Variants in DNAH17 observed in about 807,000 individuals in gnomAD.
DNAH17 encodes dynein axonemal heavy chain 17.
Under a neutral mutation model 485.6 loss-of-function variants are expected in DNAH17, and 376 were observed. That is an observed-to-expected ratio of 0.77 (90% CI 0.71 to 0.84). The LOEUF is 0.84. Among genes scored for constraint, DNAH17 ranks in the 40% least tolerant of loss-of-function variants. The pLI, the probability that DNAH17 is intolerant of heterozygous loss-of-function variation, is 0.00. For synonymous variants in DNAH17, 3,031 were observed against 2,405.9 expected (o/e 1.26, Z -7.60); for missense variants, 6,370 against 5,839.3 (o/e 1.09, Z -2.96).
At chr17:78,463,327 G>A (rs1389509288) in intron 56 of DNAH17, among the ~76,000 whole-genome samples, 1 of 152,216 alleles carries the variant, frequency 6.6e-6, no homozygotes, top group Non-Finnish European at 1.5e-5. Context: ...CTGACACACA[G>A]ACGCATACAT....
chr17:78,539,915 A>G (rs1396505463), intron 17 of DNAH17, 35 bp from the exon 18 acceptor site: 1 of 1,531,154 alleles, frequency 6.5e-7, no homozygotes, highest in Non-Finnish European at 8.8e-7. Context: ...GCCTCACTTC[A>G]CTGGCTGTGC....
chr17:78,575,959 G>A (rs148644243), intron 1 of DNAH17, among the ~76,000 whole-genome samples: 94 of 152,364 alleles, frequency 6.2e-4, no homozygotes, highest in African/African-American at 2.2e-3. Context: ...GGCGAGTTCT[G>A]CAAGGGCAGG....
chr17:78,459,917 G>A lies in DNAH17; in HGVS notation c.9520C>T (p.Pro3174Ser). 2 of 1,614,020 alleles carry A rather than the reference G, an allele frequency of 1.2e-6. No individual in the cohort carries two copies. The highest frequency in any genetic ancestry group is 1.3e-5 in the African/African-American group (1 of 75,050). Reference sequence around the variant, plus strand: ...TTGTCCTTGGGGATCTTGCCCCCAGGTGCGGTCAGAATCATGACGGCGGCG... The same window carrying A: ...TTGTCCTTGGGGATCTTGCCCCCAGATGCGGTCAGAATCATGACGGCGGCG... ...VTAAVMILTAPGGKIPKDKSW... is the reference protein window; with the variant it reads ...VTAAVMILTASGGKIPKDKSW... Residue 3174 changes from proline (P) to serine (S), a missense_variant, in exon 60 of 81, where the codon CCT (proline) becomes TCT (serine). Physicochemically the swap from Pro to Ser is moderately conservative, Grantham distance 74. Coordinates refer to ENST00000389840, the MANE Select transcript of DNAH17 (RefSeq NM_173628.4).
Position 78,480,806 on chromosome 17 carries a change from T to A in DNAH17, c.7650-20A>T. 6.3e-7 allele frequency: 1 copy of A among 1,585,692 alleles called. No homozygotes were observed. Among genetic ancestry groups the A allele is most frequent in the Non-Finnish European group, 8.6e-7 (1 of 1,158,424 alleles). ...TCATACCTGAGGGGGGAAACCAGCA[T>A]TCATGTTGTGCCCCTGGCCTGGAGG... On this transcript the variant is annotated intron_variant, in intron 48 of 80. Transcript: ENST00000389840.
chr17:78,567,348 C>T (rs564917097), intron 9 of DNAH17, among the ~76,000 whole-genome samples, 182 bp from the exon 10 acceptor site: 7 of 152,174 alleles, frequency 4.6e-5, no homozygotes, highest in Middle Eastern at 3.4e-3. Context: ...AATATTCCAT[C>T]CCCTGCAGAA....
intron 38 of DNAH17, 94 bp from the exon 39 acceptor site, chr17:78,495,191 A>G: frequency 7.0e-7 from 1 of 1,425,014 alleles, no homozygotes; most frequent in Non-Finnish European, 9.3e-7. Context: ...GCACACCTCG[A>G]CTGCCAGGTA....
chr17:78,492,854 G>A (rs1235873747), intron 41 of DNAH17, 89 bp from the exon 42 acceptor site: 10 of 431,172 alleles, frequency 2.3e-5, no homozygotes, highest in African/African-American at 2.0e-4. Flanking sequence ...GGGCCTGGAT[G>A]GTTTTTTTTT....
At chr17:78,484,580 C>T (rs561007937) in intron 48 of DNAH17, among the ~76,000 whole-genome samples, 3 of 152,220 alleles carry the variant, frequency 2.0e-5, no homozygotes, top group East Asian at 3.9e-4. Flanking sequence ...AGGATCCCCC[C>T]CTCCGCGGGG....
chr17:78,445,021 G>A (rs1378756424), intron 70 of DNAH17, among the ~76,000 whole-genome samples: 8 of 152,082 alleles, frequency 5.3e-5, no homozygotes, highest in Admixed American at 2.0e-4. Flanking sequence ...TCTAACCTGC[G>A]GACATGAGGC....
chr17:78,433,908 A>AAGGAAAGGGAGGGAAGGAAGGAGGG (rs1429579482), intron 75 of DNAH17, 121 bp downstream of exon 75: 9 of 561,920 alleles, frequency 1.6e-5, no homozygotes, highest in Non-Finnish European at 2.2e-5. Flanking sequence ...CAAAGACCAA[A>AAGGAAAGGGAGGGAAGGAAGGAGGG]AGGAAAGGGA....
intron 14 of DNAH17, among the ~76,000 whole-genome samples, chr17:78,555,027 A>T (rs1315696089): frequency 1.3e-5 from 2 of 152,198 alleles, no homozygotes; most frequent in Non-Finnish European, 2.9e-5. Flanking sequence ...GATTACAGGC[A>T]TGAGCCACTG....
chr17:78,543,415 C>T (rs1260330967), intron 17 of DNAH17, among the ~76,000 whole-genome samples: 2 of 152,138 alleles, frequency 1.3e-5, no homozygotes. Context: ...CTCAGCCTCC[C>T]AAGTAGCTGG....
intron 74 of DNAH17, among the ~76,000 whole-genome samples, chr17:78,436,858 A>G (rs2086864834): frequency 1.3e-5 from 2 of 151,738 alleles, no homozygotes; most frequent in African/African-American, 4.9e-5. Context: ...ACAAACAAAC[A>G]AACAAACAAA....
rs552104011 is a variant in DNAH17, at chr17:78,467,558, A to G, written c.8779-742T>C. Among the ~76,000 whole-genome samples, 60 of 152,160 alleles carry G rather than the reference A, an allele frequency of 3.9e-4. No individual in the cohort carries two copies. The South Asian group carries it at 0.012, about 31-fold the overall frequency. On this transcript the variant is annotated intron_variant, in intron 55 of 80. Coordinates refer to ENST00000389840, the MANE Select transcript of DNAH17 (RefSeq NM_173628.4). ...TTGGGCTATGCAGCCCGCAGAGGGG[A>G]GGGAGGACCCTGCTCTGTTTGAGTC...
intron 16 of DNAH17, among the ~76,000 whole-genome samples, chr17:78,548,726 C>CT (rs2091834459): frequency 6.6e-6 from 1 of 152,210 alleles, no homozygotes; most frequent in Non-Finnish European, 1.5e-5. Flanking sequence ...GATTCCAGGC[C>CT]TGATGGACTG....
At chr17:78,567,986 G>C (rs895668642) in intron 9 of DNAH17, among the ~76,000 whole-genome samples, 1 of 152,092 alleles carries the variant, frequency 6.6e-6, no homozygotes, top group African/African-American at 2.4e-5. Flanking sequence ...GCTGAGGTTG[G>C]TGCTATTCTC....
At chr17:78,572,950 C>G in intron 2 of DNAH17, 56 bp from the exon 3 acceptor site, 2 of 1,518,286 alleles carry the variant, frequency 1.3e-6, no homozygotes, top group Non-Finnish European at 8.9e-7. Context: ...GCTCGGCAAC[C>G]GCACAGAGCC....
At chr17:78,558,401 G>A in intron 13 of DNAH17, 147 bp from the exon 14 acceptor site, 5 of 1,002,836 alleles carry the variant, frequency 5.0e-6, no homozygotes, top group Non-Finnish European at 5.7e-6. Flanking sequence ...TTGTTGGCAG[G>A]ACCAGGACGT....
chr17:78,445,815 G>T, intron 69 of DNAH17, 135 bp from the exon 70 acceptor site: 1 of 968,402 alleles, frequency 1.0e-6, no homozygotes, highest in Non-Finnish European at 1.5e-6. Flanking sequence ...CTTTGGTTTG[G>T]GGTAAAGTTT....
Sources: allele counts gnomAD v4.1 joint callset (sites outside exome capture counted in the v4.1 genomes callset), GRCh38; gene constraint gnomAD v4.1.1; transcripts MANE v1.5; gene names NCBI Gene and HGNC (gene_info 2026-07-23, HGNC 2026-07-21).